Variants in ANKIB1 observed in about 807,000 individuals in gnomAD.
ANKIB1 encodes the protein ankyrin repeat and IBR domain-containing protein 1.
ANKIB1 carries 43 observed loss-of-function variants against 122.1 expected under a neutral mutation model. That is an observed-to-expected ratio of 0.35 (90% confidence interval 0.28 to 0.45). The LOEUF is 0.45. ANKIB1 is among the 20% of genes least tolerant of loss of function. The pLI, the probability that ANKIB1 is intolerant of heterozygous loss-of-function variation, is 1.00. For synonymous variants in ANKIB1, 390 were observed against 442.0 expected (o/e 0.88, Z 1.48); for missense variants, 992 against 1,329.5 (o/e 0.75, Z 3.95).
intron 1 of ANKIB1, among the ~76,000 whole-genome samples, chr7:92,281,626 T>C (rs900713526): frequency 2.6e-5 from 4 of 152,216 alleles, no homozygotes; most frequent in Admixed American, 1.3e-4. Flanking sequence ...TGAAATAGTT[T>C]TGTACTCTGA....
chr7:92,358,070 G>A (rs542522968), intron 9 of ANKIB1, among the ~76,000 whole-genome samples: 79 of 151,976 alleles, frequency 5.2e-4, no homozygotes, highest in Non-Finnish European at 8.1e-4. Context: ...GTGAAACCCC[G>A]TCTCTACTAA....
At chr7:92,330,638 C>G (rs573259900) in intron 5 of ANKIB1, among the ~76,000 whole-genome samples, 2 of 152,012 alleles carry the variant, frequency 1.3e-5, no homozygotes, top group East Asian at 1.9e-4. Context: ...GTCAGGAGAT[C>G]GAGACTATCC....
intron 1 of ANKIB1, among the ~76,000 whole-genome samples, chr7:92,257,845 A>G (rs774038940): frequency 7.2e-5 from 11 of 152,172 alleles, no homozygotes; most frequent in Non-Finnish European, 1.3e-4. Flanking sequence ...CAACCATTCT[A>G]ACTCTTAAAT....
intron 17 of ANKIB1, chr7:92,396,144 A>G (rs1301040644): frequency 3.8e-6 from 2 of 520,464 alleles, no homozygotes; most frequent in African/African-American, 3.9e-5. Flanking sequence ...AAGTATTCCT[A>G]ATTTATCTAG....
intron 3 of ANKIB1, among the ~76,000 whole-genome samples, chr7:92,316,222 A>G (rs527958696): frequency 2.1e-4 from 32 of 152,316 alleles, no homozygotes; most frequent in Admixed American, 9.2e-4. Context: ...GAAAGCAGAT[A>G]CTTAGTTGAG....
intron 2 of ANKIB1, among the ~76,000 whole-genome samples, chr7:92,301,633 G>A (rs1802459222): frequency 6.6e-6 from 1 of 151,890 alleles, no homozygotes; most frequent in Non-Finnish European, 1.5e-5. Context: ...AGTTCTACAG[G>A]TTGCCTTTTC....
At chr7:92,373,162 G>A (rs1320098861) in intron 11 of ANKIB1, among the ~76,000 whole-genome samples, 1 of 152,072 alleles carries the variant, frequency 6.6e-6, no homozygotes, top group Non-Finnish European at 1.5e-5. Flanking sequence ...ATATTCAAAA[G>A]TGTTATTTAT....
At chr7:92,397,319 C>T (rs1212246119) in intron 18 of ANKIB1, among the ~76,000 whole-genome samples, 1 of 151,970 alleles carries the variant, frequency 6.6e-6, no homozygotes, top group Non-Finnish European at 1.5e-5. Flanking sequence ...AACCCTATCT[C>T]TACTGAAAAT....
At chr7:92,322,545 C>A (rs146073524) in intron 4 of ANKIB1, among the ~76,000 whole-genome samples, 22 of 152,120 alleles carry the variant, frequency 1.4e-4, no homozygotes, top group African/African-American at 5.3e-4. Context: ...CTGACTGTAT[C>A]CCCGAGTGGT....
At chr7:92,259,005 G>A (rs1801506491) in intron 1 of ANKIB1, among the ~76,000 whole-genome samples, 1 of 152,068 alleles carries the variant, frequency 6.6e-6, no homozygotes, top group South Asian at 2.1e-4. Context: ...CCAGGTTGGA[G>A]TACAGTGGCG....
chr7:92,252,090 C>T (rs902581940), intron 1 of ANKIB1, among the ~76,000 whole-genome samples: 2 of 152,106 alleles, frequency 1.3e-5, no homozygotes, highest in Non-Finnish European at 2.9e-5. Context: ...CACAGAAATG[C>T]TGCTGTGTGC....
At chr7:92,255,651 T>G (rs1315046793) in intron 1 of ANKIB1, among the ~76,000 whole-genome samples, 1 of 152,226 alleles carries the variant, frequency 6.6e-6, no homozygotes, top group African/African-American at 2.4e-5. Context: ...CAAGTTCTTA[T>G]GAAATATATT....
intron 12 of ANKIB1, among the ~76,000 whole-genome samples, 191 bp from the exon 13 acceptor site, chr7:92,387,607 G>C (rs1278321538): frequency 2.0e-5 from 3 of 151,502 alleles, no homozygotes; most frequent in Non-Finnish European, 4.4e-5. Context: ...CTGCACTCCA[G>C]CCTGGGAGAC....
intron 1 of ANKIB1, among the ~76,000 whole-genome samples, chr7:92,251,893 C>T (rs1801337760): frequency 6.6e-6 from 1 of 152,156 alleles, no homozygotes; most frequent in Non-Finnish European, 1.5e-5. Context: ...AGGATCCTAT[C>T]CAGGAATACA....
At chr7:92,396,227 G>A in intron 17 of ANKIB1, 138 bp from the exon 18 acceptor site, 1 of 635,952 alleles carries the variant, frequency 1.6e-6, no homozygotes, top group South Asian at 1.8e-5. Flanking sequence ...GGCAAAACCT[G>A]ATGTTTCAGC....
chr7:92,344,625 G>A (rs922585902), intron 6 of ANKIB1, among the ~76,000 whole-genome samples: 1 of 152,088 alleles, frequency 6.6e-6, no homozygotes, highest in Non-Finnish European at 1.5e-5. Context: ...TAATGTGAAG[G>A]GCATGATACT....
Position 92,398,968 on chromosome 7 carries a change from C to G in ANKIB1, c.*19C>G. 2.6e-6 allele frequency: 4 copies of G among 1,523,086 alleles called. No individual in the cohort carries two copies. The highest frequency in any genetic ancestry group is 2.6e-6 in the Non-Finnish European group (3 of 1,135,770). 94.3% of individuals were successfully genotyped at this position (1,523,086 alleles called of 1,614,324 possible). A position where few individuals can be genotyped will look rare whatever the true frequency, so the allele number is the denominator to read the frequency against. On this transcript the variant is annotated 3_prime_UTR_variant, in exon 20 of 20. Transcript: ENST00000265742. ...AGTGTGAACTGCACACATCTGGGCT[C>G]TAAATGAATTACAGGTACAGATGGT...
At chr7:92,338,957 T>A (rs1442268301) in intron 5 of ANKIB1, among the ~76,000 whole-genome samples, 5 of 107,000 alleles carry the variant, frequency 4.7e-5, no homozygotes, top group African/African-American at 8.3e-5. Context: ...TATATATATA[T>A]ATATATATAT....
chr7:92,345,579 T>A (rs538792435), intron 7 of ANKIB1, among the ~76,000 whole-genome samples: 3 of 152,366 alleles, frequency 2.0e-5, no homozygotes, highest in African/African-American at 7.2e-5. Context: ...TTTATCTCTA[T>A]TTACCCTTCC....
Sources: allele counts gnomAD v4.1 joint callset (sites outside exome capture counted in the v4.1 genomes callset), GRCh38; gene constraint gnomAD v4.1.1; transcripts MANE v1.5; gene names NCBI Gene and HGNC (gene_info 2026-07-23, HGNC 2026-07-21).